The following SYNE2 variants were observed in gnomAD, a reference collection of about 807,000 sequenced individuals.
SYNE2 encodes the protein spectrin repeat containing nuclear envelope protein 2.
In SYNE2, 431 loss-of-function variants were observed where a neutral mutation model predicts 856.3. That is an observed-to-expected ratio of 0.50 (90% CI 0.47 to 0.55). SYNE2 has a LOEUF of 0.55. Ranked by LOEUF, SYNE2 falls within the 20% of genes least tolerant of loss-of-function variation. The probability of loss-of-function intolerance (pLI) is 0.00; values close to 1 mark genes in which losing one functional copy is unlikely to be tolerated. For synonymous variants in SYNE2, 2,923 were observed against 2,872.3 expected, an observed-to-expected ratio of 1.02 and a Z score of -0.56; for missense variants, 8,129 against 8,023.2, an observed-to-expected ratio of 1.01 and a Z score of -0.50.
intron 1 of SYNE2, among the ~76,000 whole-genome samples, chr14:63,806,550 C>T (rs916426911): frequency 6.6e-6 from 1 of 152,094 alleles, no homozygotes; most frequent in Non-Finnish European, 1.5e-5. Flanking sequence ...AGGATAGGTA[C>T]CAGCTCTTCT....
intron 79 of SYNE2, 31 bp downstream of exon 79, chr14:64,138,014 T>C (rs375249046): frequency 1.3e-6 from 2 of 1,599,962 alleles, no homozygotes; most frequent in Non-Finnish European, 1.7e-6. Flanking sequence ...ATTGGCTTCA[T>C]ATTGTGCTGT....
intron 31 of SYNE2, 147 bp downstream of exon 31, chr14:64,007,369 T>C: frequency 3.8e-6 from 3 of 783,378 alleles, no homozygotes; most frequent in Non-Finnish European, 2.2e-6. Context: ...ACAGGGCCAG[T>C]GTCTGGGACA....
intron 48 of SYNE2, among the ~76,000 whole-genome samples, chr14:64,054,587 T>C (rs900673666): frequency 1.3e-5 from 2 of 152,220 alleles, no homozygotes; most frequent in Non-Finnish European, 2.9e-5. Context: ...TAAAGTTTTA[T>C]TGGAATATAG....
rs140664863 is a variant in SYNE2, at chr14:64,224,632, C to T, written c.20469+85C>T. 2.2e-4 allele frequency: 323 copies of T among 1,471,920 alleles called. 1 individual carries two copies. In the African/African-American group the frequency reaches 3.5e-3, roughly 16 times the overall value. The allele number at this position is 1,471,920 out of a possible 1,614,324, so 91.2% of individuals were successfully genotyped here. ...GAGGGAAGCTTGGGATTCCAAGAGC[C>T]CATTAGCCATTTCAGGACAGCACAG... On this transcript the variant is annotated intron_variant, in intron 114 of 115. Transcript: ENST00000555002.
chr14:63,822,924 T>A (rs8008343), intron 1 of SYNE2, among the ~76,000 whole-genome samples: 1 of 151,972 alleles, frequency 6.6e-6, no homozygotes, highest in Non-Finnish European at 1.5e-5. Context: ...GGCAACATAG[T>A]GAGACCCCAT....
intron 10 of SYNE2, among the ~76,000 whole-genome samples, chr14:63,964,747 C>T (rs1483402666): frequency 5.9e-5 from 9 of 152,154 alleles, no homozygotes; most frequent in African/African-American, 1.7e-4. Flanking sequence ...TGGTCTCGAA[C>T]TCCTGACCTC....
At position 64,031,080 on chromosome 14, in the gene SYNE2, C is replaced by T. The variant is rs1448151842; in HGVS notation, c.6944C>T (p.Ser2315Phe). The change falls in exon 45 of 116, where the codon TCC (serine) becomes TTC (phenylalanine). Residue 2315 changes from serine to phenylalanine, a missense_variant. Coordinates refer to ENST00000555002, the MANE Select transcript of SYNE2 (RefSeq NM_182914.3). Reference sequence around the variant, plus strand: ...AAGAAGATTTTAGCTTTAGCAAAATCCGTCAAGCAAAATACATCTTCAGTG... The same window carrying T: ...AAGAAGATTTTAGCTTTAGCAAAATTCGTCAAGCAAAATACATCTTCAGTG... ...TLKKILALAK[S>F]VKQNTSSVGQ... is the part of the protein sequence containing the mutation. The T allele has an allele frequency of 1.9e-6, 3 of 1,614,008 alleles. No homozygotes were observed. Among genetic ancestry groups the T allele is most frequent in the Non-Finnish European group, 2.5e-6 (3 of 1,179,986 alleles).
At chr14:64,002,638 C>G (rs934909408) in intron 29 of SYNE2, 82 bp from the exon 30 acceptor site, 1 of 1,477,358 alleles carries the variant, frequency 6.8e-7, no homozygotes, top group Admixed American at 2.0e-5. Flanking sequence ...CAAATCTAGT[C>G]ATGCAGTTTG....
At position 64,155,213 on chromosome 14, in the gene SYNE2, C is replaced by T. The variant is rs549805286; in HGVS notation, c.15792+2497C>T. Among the ~76,000 whole-genome samples, 39 of 152,216 alleles carry T rather than the reference C, an allele frequency of 2.6e-4. No individual in the cohort carries two copies. The South Asian group carries it at 7.1e-3, about 28-fold the overall frequency. The stretch of plus-strand genomic sequence containing the variant: ...ATGATAGCCAGAAAGTGTAAACAAC[C>T]CAACTGTCCATCTACTAATGAATGT... On this transcript the variant is annotated intron_variant, in intron 85 of 115. Transcript: ENST00000555002.
At chr14:64,217,956 AT>A (rs2098674725) in intron 108 of SYNE2, among the ~76,000 whole-genome samples, 1 of 152,194 alleles carries the variant, frequency 6.6e-6, no homozygotes, top group African/African-American at 2.4e-5. Context: ...TCCTCTGTGC[AT>A]TTCTGATTCT....
chr14:64,065,747 G>T, intron 51 of SYNE2, 97 bp downstream of exon 51: 1 of 1,354,632 alleles, frequency 7.4e-7, no homozygotes. Context: ...CGAGTCCTTA[G>T]CCTATACCAT....
Position 63,996,303 on chromosome 14 carries a change from G to A in SYNE2, c.2941-644G>A, listed in dbSNP as rs891752040. 4.6e-5 allele frequency among the ~76,000 whole-genome samples: 7 copies of A among 152,140 alleles called. No individual in the cohort carries two copies. In the South Asian group the frequency reaches 1.2e-3, roughly 27 times the overall value. On this transcript the variant is annotated intron_variant, in intron 23 of 115. Coordinates refer to ENST00000555002, the MANE Select transcript of SYNE2 (RefSeq NM_182914.3). ...GTGGTGTTGCCAGTTACCTAAGCCAGGGTTCTTTTCTCAGAATGATGATGG... is the reference window on the plus strand; with the variant it reads ...GTGGTGTTGCCAGTTACCTAAGCCAAGGTTCTTTTCTCAGAATGATGATGG...
At chr14:64,018,527 C>T (rs1430855875) in intron 34 of SYNE2, among the ~76,000 whole-genome samples, 1 of 152,206 alleles carries the variant, frequency 6.6e-6, no homozygotes, top group East Asian at 1.9e-4. Flanking sequence ...CAGGCGTGAG[C>T]CATCATGCCC....
At chr14:63,811,293 T>C (rs763415539) in intron 1 of SYNE2, among the ~76,000 whole-genome samples, 3 of 152,174 alleles carry the variant, frequency 2.0e-5, no homozygotes, top group Non-Finnish European at 4.4e-5. Flanking sequence ...TCTTGCTCTG[T>C]CACCCAGGCT....
At chr14:63,848,092 G>C (rs887137402), upstream of SYNE2, among the ~76,000 whole-genome samples, 31 of 152,074 alleles carry the variant, frequency 2.0e-4, no homozygotes, top group African/African-American at 7.5e-4. Context: ...TCACCATGCT[G>C]TCCAGGATGG....
chr14:64,226,206 G>A lies in SYNE2; in HGVS notation c.*680G>A, dbSNP rs2098717614. On this transcript the variant is annotated 3_prime_UTR_variant, in exon 116 of 116. Transcript: ENST00000555002. ...TTTTTTTTAAAAAAATTAGATTTTA[G>A]CTGGAGCTTTTGACTAATGTAAAGT... 6.6e-6 allele frequency: 1 copy of A among 152,530 alleles called. No homozygotes were observed. The highest frequency in any genetic ancestry group is 2.1e-4 in the South Asian group (1 of 4,818). The allele number at this position is 152,530 out of a possible 1,614,324, so 9.4% of individuals were successfully genotyped here. A position where few individuals can be genotyped will look rare whatever the true frequency, so the allele number is the denominator to read the frequency against.
rs771662468 is a variant in SYNE2 at position 64,126,753 on chromosome 14, T to C, written c.13863T>C (p.Ala4621=). The C allele has an allele frequency of 6.2e-7, 1 of 1,614,138 alleles. No individual in the cohort carries two copies. The highest frequency in any genetic ancestry group is 1.1e-5 in the South Asian group (1 of 91,090). ...QVCLEHTQAA[A]VCRSKSLKAG... ...GCCTGGAGCACACTCAGGCTGCAGCTGTCTGTAGAAGCAAGTCCCTGAAAG... is the reference window on the plus strand; with the variant it reads ...GCCTGGAGCACACTCAGGCTGCAGCCGTCTGTAGAAGCAAGTCCCTGAAAG... The change falls in exon 73 of 116, where the codon GCT becomes GCC. Residue 4621 remains alanine, a synonymous_variant. Transcript: ENST00000555002.
At position 64,080,436 on chromosome 14, in the gene SYNE2, C is replaced by T. The variant is rs1379449078; in HGVS notation, c.11164-20C>T. ...ACTATGACCTCTTCATTCAAGTTGACTTACGATTTCCTTCTCCAGAAAATG... is the reference window on the plus strand; with the variant it reads ...ACTATGACCTCTTCATTCAAGTTGATTTACGATTTCCTTCTCCAGAAAATG... On this transcript the variant is annotated intron_variant, in intron 55 of 115. Transcript: ENST00000555002. 1.9e-6 allele frequency: 3 copies of T among 1,613,778 alleles called. No individual in the cohort carries two copies. The highest frequency in any genetic ancestry group is 2.7e-5 in the African/African-American group (2 of 74,928).
upstream of SYNE2, among the ~76,000 whole-genome samples, chr14:63,850,289 T>C (rs1011512671): frequency 1.3e-5 from 2 of 148,590 alleles, no homozygotes; most frequent in African/African-American, 5.0e-5. Context: ...GGTTTCACCA[T>C]GTTGGCCAGG....
Sources: gnomAD v4.1 joint callset for allele counts (sites outside exome capture counted in the v4.1 genomes callset) on GRCh38, gnomAD v4.1.1 for gene constraint, MANE v1.5 for transcripts, NCBI Gene and HGNC (gene_info 2026-07-23, HGNC 2026-07-21) for gene names.